The following HSPG2 variants were observed in gnomAD, a reference collection of about 807,000 sequenced individuals.
The protein encoded by HSPG2 is basement membrane-specific heparan sulfate proteoglycan core protein.
A neutral mutation model predicts 526.6 loss-of-function variants in HSPG2; 278 were observed. The ratio of observed to expected loss-of-function variants is 0.53; its 90% CI spans 0.48 to 0.58. The LOEUF is 0.58. HSPG2 is among the 20% of genes least tolerant of loss of function. HSPG2 has a pLI of 0.00. For missense variants in HSPG2, 5,354 were observed against 6,099.5 expected, an observed-to-expected ratio of 0.88 and a Z score of 4.07; for synonymous variants, 2,465 against 2,555.4, an observed-to-expected ratio of 0.96 and a Z score of 1.07.
chr1:21,838,879 G>T lies in HSPG2; in HGVS notation c.10096C>A (p.Arg3366=). The change falls in exon 74 of 97, where the codon CGG becomes AGG. Residue 3366 remains arginine (R), a synonymous_variant. Transcript: ENST00000374695. ...APEDSGRYRC[R]VTNKVGSAEA... ...GCTGAGCCCACCTTGTTGGTGACCCGGCAGCGGTAGCGGCCTGAGTCCTCA... is the reference window on the plus strand; with the variant it reads ...GCTGAGCCCACCTTGTTGGTGACCCTGCAGCGGTAGCGGCCTGAGTCCTCA... The T allele has an allele frequency of 6.2e-7, 1 of 1,612,638 alleles. No individual in the cohort carries two copies. Among genetic ancestry groups the T allele is most frequent in the Non-Finnish European group, 8.5e-7 (1 of 1,179,650 alleles).
Position 21,874,728 on chromosome 1 carries a change from T to C in HSPG2, c.3416A>G (p.Asp1139Gly), listed in dbSNP as rs749657697. 6.3e-7 allele frequency: 1 copy of C among 1,597,982 alleles called. No homozygotes were observed. Among genetic ancestry groups the C allele is most frequent in the African/African-American group, 1.3e-5 (1 of 74,486 alleles). The change falls in exon 27 of 97, where the codon GAC becomes GGC. Residue 1139 changes from aspartate to glycine, a missense_variant and splice_region_variant. By Grantham distance (94) the Asp-to-Gly change is moderately conservative. Coordinates refer to ENST00000374695, the MANE Select transcript of HSPG2 (RefSeq NM_005529.7). Reference protein sequence around the residue: ...PPGYRGPSCQDCDTGYTRTPS... With the variant: ...PPGYRGPSCQGCDTGYTRTPS... ...CGTGCGTGTGTAGCCTGTGTCACAGTCCTGGGGGCAGAAAGATGGCAGTGG... is the reference window on the plus strand; with the variant it reads ...CGTGCGTGTGTAGCCTGTGTCACAGCCCTGGGGGCAGAAAGATGGCAGTGG...
Position 21,849,162 on chromosome 1 carries a change from A to G in HSPG2, c.7447-131T>C. ...CTCGATGGAAACTCTTCCAGGGAAA[A>G]CCACCTTCTCCCTTCCTATCTACCG... On this transcript the variant is annotated intron_variant, in intron 57 of 96. Coordinates refer to ENST00000374695, the MANE Select transcript of HSPG2 (RefSeq NM_005529.7). The G allele has an allele frequency of 3.7e-6, 4 of 1,081,436 alleles. No individual in the cohort carries two copies. In the South Asian group the frequency reaches 5.9e-5, roughly 16 times the overall value. The allele number at this position is 1,081,436 out of a possible 1,614,324, so 67.0% of individuals were successfully genotyped here.
intron 52 of HSPG2, 104 bp from the exon 53 acceptor site, chr1:21,852,337 T>C (rs1311990985): frequency 4.2e-6 from 6 of 1,442,032 alleles, no homozygotes; most frequent in Non-Finnish European, 5.8e-6. Flanking sequence ...CAAGGCCAGA[T>C]CCAGCTTTTC....
intron 52 of HSPG2, 114 bp downstream of exon 52, chr1:21,852,586 A>C: frequency 1.4e-6 from 2 of 1,444,938 alleles, no homozygotes; most frequent in East Asian, 2.3e-5. Flanking sequence ...AGGGCCCTGC[A>C]GCCAGCTCCG....
intron 83 of HSPG2, 49 bp downstream of exon 83, chr1:21,831,414 G>T: frequency 6.2e-7 from 1 of 1,606,262 alleles, no homozygotes; most frequent in Non-Finnish European, 8.5e-7. Context: ...GGCTCTTCCA[G>T]CCAGCCAGGT....
chr1:21,879,996 G>C, intron 17 of HSPG2, 111 bp downstream of exon 17: 1 of 1,258,092 alleles, frequency 7.9e-7, no homozygotes, highest in East Asian at 2.3e-5. Flanking sequence ...AGTTCATCTG[G>C]CAGTCATGAC....
intron 1 of HSPG2, among the ~76,000 whole-genome samples, chr1:21,931,656 C>T (rs148958518): frequency 5.8e-4 from 88 of 152,300 alleles, no homozygotes; most frequent in African/African-American, 2.0e-3. Context: ...CCATATACCC[C>T]AAGTAGTCTG....
chr1:21,847,576 C>A lies in HSPG2; in HGVS notation c.8026-84G>T, dbSNP rs1371605285. ...GCTGGCTCAGGCCTTCCTGCTCAGCCTGTTGAGGCTGCTATCGGTCTACCC... is the reference window on the plus strand; with the variant it reads ...GCTGGCTCAGGCCTTCCTGCTCAGCATGTTGAGGCTGCTATCGGTCTACCC... On this transcript the variant is annotated intron_variant, in intron 61 of 96. Coordinates refer to ENST00000374695, the MANE Select transcript of HSPG2 (RefSeq NM_005529.7). This position sits in a 1 kb window ranked among gnomAD's most constrained non-coding sequence, Gnocchi z 4.1. 6.2e-7 allele frequency: 1 copy of A among 1,605,642 alleles called. No homozygotes were observed. Among genetic ancestry groups the A allele is most frequent in the East Asian group, 2.2e-5 (1 of 44,846 alleles).
At chr1:21,897,066 A>G (rs1642805350) in intron 1 of HSPG2, among the ~76,000 whole-genome samples, 1 of 152,230 alleles carries the variant, frequency 6.6e-6, no homozygotes, top group Non-Finnish European at 1.5e-5. Context: ...GCCGGAGCAG[A>G]AGGGCCCCAG....
chr1:21,885,239 G>A lies in HSPG2; in HGVS notation c.1210+81C>T, dbSNP rs141231378. ...GAGGGCTCCGAGGGGCTAGGAGGGA[G>A]AAGGGTGGAGGCTGAGGCTGTGGAC... On this transcript the variant is annotated intron_variant, in intron 10 of 96. Coordinates refer to ENST00000374695, the MANE Select transcript of HSPG2 (RefSeq NM_005529.7). 355 of 1,608,084 alleles carry A rather than the reference G, an allele frequency of 2.2e-4. 1 individual carries two copies. Among genetic ancestry groups the A allele is most frequent in the Middle Eastern group, 1.1e-3 (6 of 5,666 alleles).
intron 21 of HSPG2, 145 bp from the exon 22 acceptor site, chr1:21,876,797 G>A (rs1013258327): frequency 2.2e-5 from 24 of 1,082,596 alleles, no homozygotes; most frequent in Non-Finnish European, 2.9e-5. Flanking sequence ...GGTGGCTCAC[G>A]CCTGTAATCC....
chr1:21,922,984 G>C (rs1644085581), intron 1 of HSPG2, among the ~76,000 whole-genome samples: 1 of 151,980 alleles, frequency 6.6e-6, no homozygotes, highest in South Asian at 2.1e-4. Context: ...CCAGAAGGCG[G>C]GGAGGGAAAA....
intron 53 of HSPG2, 60 bp downstream of exon 53, chr1:21,852,028 G>T: frequency 6.2e-7 from 1 of 1,611,802 alleles, no homozygotes. Context: ...CTCAGCCTAG[G>T]GGCCAGGATC....
intron 1 of HSPG2, among the ~76,000 whole-genome samples, chr1:21,926,686 C>T (rs975678613): frequency 1.6e-4 from 23 of 146,916 alleles, no homozygotes; most frequent in Admixed American, 4.8e-4. Flanking sequence ...CTATTGAATC[C>T]GAGAGGCAGA....
intron 1 of HSPG2, among the ~76,000 whole-genome samples, chr1:21,929,635 G>A (rs926045500): frequency 1.4e-5 from 2 of 145,604 alleles, no homozygotes; most frequent in Non-Finnish European, 3.0e-5. Flanking sequence ...GAGATCGTAA[G>A]AGAAGACACA....
chr1:21,901,889 C>A (rs1457148602), intron 1 of HSPG2, among the ~76,000 whole-genome samples: 1 of 152,174 alleles, frequency 6.6e-6, no homozygotes, highest in Non-Finnish European at 1.5e-5. Flanking sequence ...AAGGAACCAG[C>A]AGACAATGTG....
rs757396885 is a variant in HSPG2, at chr1:21,890,558, G to A, written c.354+27C>T. ...CTCGGTCCTGCCCCGCCACACCCGC[G>A]AGCTTCCCAAACCCCCTTCACCTCA... On this transcript the variant is annotated intron_variant, in intron 4 of 96. Coordinates refer to ENST00000374695, the MANE Select transcript of HSPG2 (RefSeq NM_005529.7). The surrounding 1 kb of genome is among the most constrained non-coding windows in gnomAD (Gnocchi z 4.1). 5.6e-6 allele frequency: 9 copies of A among 1,608,906 alleles called. No individual in the cohort carries two copies. In the East Asian group the frequency reaches 6.7e-5, roughly 12 times the overall value.
Position 21,861,789 on chromosome 1 carries a change from G to A in HSPG2, c.4923C>T (p.Cys1641=), listed in dbSNP as rs761901671. Residue 1641 remains cysteine (C), a synonymous_variant, in exon 39 of 97, where the codon TGC becomes TGT. Transcript: ENST00000374695. ...AGTACTGGCCAGTGTAGCCGGGTTC[G>A]CAGGCCGTGCAGCGGTACCCGCCGG... is the stretch of plus-strand genomic sequence containing the variant. The part of the protein sequence containing the change: ...LGAGGYRCTA[C]EPGYTGQYCE... 46 of 1,613,566 alleles carry A rather than the reference G, an allele frequency of 2.9e-5. No homozygotes were observed. The highest frequency in any genetic ancestry group is 1.6e-4 in the Middle Eastern group (1 of 6,084).
Position 21,884,847 on chromosome 1 carries a change from G to A in HSPG2, c.1427C>T (p.Ala476Val), listed in dbSNP as rs1254701351. 1.2e-6 allele frequency: 2 copies of A among 1,613,888 alleles called. No homozygotes were observed. Among genetic ancestry groups the A allele is most frequent in the Admixed American group, 3.3e-5 (2 of 60,034 alleles). ...IRDVKESDQGAYTCEAMNARG... is the reference protein window; with the variant it reads ...IRDVKESDQGVYTCEAMNARG... ...GGCGTTCATGGCCTCACAGGTGTAG[G>A]CACCCTGGTCTGACTCCTTCACATC... The change falls in exon 12 of 97, where the codon GCC (alanine) becomes GTC (valine). Residue 476 changes from alanine (A) to valine (V), a missense_variant. Physicochemically the swap from Ala to Val is moderately conservative, Grantham distance 64. Transcript: ENST00000374695.
Sources: allele counts gnomAD v4.1 joint callset (sites outside exome capture counted in the v4.1 genomes callset), GRCh38; gene constraint gnomAD v4.1.1; non-coding constraint Gnocchi (gnomAD v3.1); transcripts MANE v1.5; gene names NCBI Gene and HGNC (gene_info 2026-07-23, HGNC 2026-07-21).